The following SLC25A13 variants were observed in gnomAD, a reference collection of about 807,000 sequenced individuals.
The protein encoded by SLC25A13 is electrogenic aspartate/glutamate antiporter SLC25A13, mitochondrial.
In SLC25A13, 70 loss-of-function variants were observed where a neutral mutation model predicts 85.5. That is an observed-to-expected ratio of 0.82 (90% CI 0.68 to 1.00). The LOEUF is 1.00. Among genes scored for constraint, SLC25A13 ranks in the 50% least tolerant of loss-of-function variants. SLC25A13 has a pLI of 0.00. For missense variants in SLC25A13, 765 were observed against 819.8 expected, an observed-to-expected ratio of 0.93 and a Z score of 0.82; for synonymous variants, 259 against 288.7, an observed-to-expected ratio of 0.90 and a Z score of 1.04.
At chr7:96,316,756 C>T (rs573078135) in intron 1 of SLC25A13, among the ~76,000 whole-genome samples, 4 of 152,276 alleles carry the variant, frequency 2.6e-5, no homozygotes, top group Admixed American at 1.3e-4. Flanking sequence ...GCAAAAAGCA[C>T]TAGGTAAGGC....
intron 4 of SLC25A13, among the ~76,000 whole-genome samples, chr7:96,217,751 T>G (rs2116748087): frequency 6.6e-6 from 1 of 152,254 alleles, no homozygotes; most frequent in East Asian, 1.9e-4. Context: ...GAGTGGTGAT[T>G]GCTAAGGTGT....
chr7:96,165,957 G>T (rs1793723175), intron 13 of SLC25A13, among the ~76,000 whole-genome samples: 1 of 152,182 alleles, frequency 6.6e-6, no homozygotes, highest in Admixed American at 6.5e-5. Context: ...TTGATACGTG[G>T]CTGGACAAAC....
intron 13 of SLC25A13, among the ~76,000 whole-genome samples, chr7:96,153,561 C>A (rs1303362876): frequency 6.6e-6 from 1 of 152,202 alleles, no homozygotes; most frequent in Non-Finnish European, 1.5e-5. Flanking sequence ...GCAGGGGACC[C>A]AGAGCTGCAG....
chr7:96,230,861 C>G (rs1796514833), intron 4 of SLC25A13, among the ~76,000 whole-genome samples: 1 of 152,234 alleles, frequency 6.6e-6, no homozygotes, highest in South Asian at 2.1e-4. Context: ...GTAATCCCAA[C>G]ACTTTGGGAG....
rs896719408 is a variant in SLC25A13, at chr7:96,215,514, T to C, written c.329-6537A>G. On this transcript the variant is annotated intron_variant, in intron 4 of 17. Coordinates refer to ENST00000265631, the MANE Select transcript of SLC25A13 (RefSeq NM_014251.3). ...AGAGTAAAAAAATTAACCCTCACATTTATAGTCAATTGATTTCCAACAAAG... is the reference window on the plus strand; with the variant it reads ...AGAGTAAAAAAATTAACCCTCACATCTATAGTCAATTGATTTCCAACAAAG... Among the ~76,000 whole-genome samples the C allele has an allele frequency of 4.6e-5, 7 of 152,160 alleles. No homozygotes were observed. The East Asian group carries it at 1.4e-3, about 29-fold the overall frequency.
intron 4 of SLC25A13, 48 bp from the exon 5 acceptor site, chr7:96,209,025 T>C (rs987971872): frequency 8.2e-6 from 13 of 1,593,466 alleles, no homozygotes; most frequent in Non-Finnish European, 1.7e-6. Flanking sequence ...AATGAAGTTC[T>C]TTCTGATAAA....
At chr7:96,309,503 G>C (rs1301931943) in intron 1 of SLC25A13, 1 of 152,146 alleles carries the variant, frequency 6.6e-6, no homozygotes, top group Non-Finnish European at 1.5e-5. Context: ...TGAGCAAATG[G>C]ATTATTAGAA....
intron 14 of SLC25A13, among the ~76,000 whole-genome samples, chr7:96,133,192 G>A (rs2049054164): frequency 6.6e-6 from 1 of 152,210 alleles, no homozygotes; most frequent in Admixed American, 6.5e-5. Flanking sequence ...ACCCATGGAT[G>A]TGTAAGCATG....
At chr7:96,244,175 T>G (rs980464760) in intron 3 of SLC25A13, among the ~76,000 whole-genome samples, 11 of 152,086 alleles carry the variant, frequency 7.2e-5, no homozygotes, top group Non-Finnish European at 1.5e-4. Context: ...AAGCAGTTTT[T>G]AAAGCCCAGG....
At chr7:96,217,912 A>C (rs1795957288) in intron 4 of SLC25A13, among the ~76,000 whole-genome samples, 2 of 143,682 alleles carry the variant, frequency 1.4e-5, no homozygotes, top group South Asian at 4.4e-4. Context: ...AAAAAAAAAA[A>C]CAAAAAACAC....
At chr7:96,305,705 G>A (rs1799719412) in intron 1 of SLC25A13, among the ~76,000 whole-genome samples, 1 of 152,170 alleles carries the variant, frequency 6.6e-6, no homozygotes, top group Non-Finnish European at 1.5e-5. Flanking sequence ...ACAAGTTGCT[G>A]AAGCCCAGAT....
intron 11 of SLC25A13, among the ~76,000 whole-genome samples, chr7:96,181,296 G>A (rs1794410795): frequency 1.3e-5 from 2 of 152,182 alleles, no homozygotes; most frequent in Non-Finnish European, 2.9e-5. Context: ...CACCTCTCAT[G>A]ACTCTCTGAG....
chr7:96,121,200 T>C lies in SLC25A13; in HGVS notation c.2019A>G (p.Gly673=). ...CCCAGGGCTGATCTTCCTATGGGCC[T>C]CCACCAATAGCCTTTGAGGTAGATA... ...PSVSTSKAIG[G]GP is the part of the protein sequence containing the mutation. The change falls in exon 18 of 18, where the codon GGA becomes GGG. Residue 673 remains glycine, a synonymous_variant. Transcript: ENST00000265631. 6.2e-7 allele frequency: 1 copy of C among 1,614,178 alleles called. No homozygotes were observed. The highest frequency in any genetic ancestry group is 8.5e-7 in the Non-Finnish European group (1 of 1,180,000).
chr7:96,217,614 A>G (rs1269861274), intron 4 of SLC25A13, among the ~76,000 whole-genome samples: 1 of 152,310 alleles, frequency 6.6e-6, no homozygotes, highest in African/African-American at 2.4e-5. Context: ...TATGCTAAGT[A>G]AAAGAAACCA....
At chr7:96,209,353 T>TACACAC (rs59571646) in intron 4 of SLC25A13, among the ~76,000 whole-genome samples, 35,452 of 145,170 alleles carry the variant, frequency 0.24, 4,634 homozygotes, top group South Asian at 0.39. Flanking sequence ...GGAAAACACA[T>TACACAC]ACACACACAC....
At chr7:96,143,464 C>T (rs1182375967) in intron 14 of SLC25A13, among the ~76,000 whole-genome samples, 1 of 152,146 alleles carries the variant, frequency 6.6e-6, no homozygotes, top group African/African-American at 2.4e-5. Flanking sequence ...GTTTTCTTAG[C>T]TACATTACAT....
At chr7:96,281,694 T>C (rs1173208481) in intron 2 of SLC25A13, among the ~76,000 whole-genome samples, 1 of 152,200 alleles carries the variant, frequency 6.6e-6, no homozygotes, top group African/African-American at 2.4e-5. Context: ...ATGCATTCAA[T>C]TTATATTTCA....
chr7:96,303,110 G>A (rs1799612550), intron 1 of SLC25A13, among the ~76,000 whole-genome samples: 1 of 152,016 alleles, frequency 6.6e-6, no homozygotes, highest in South Asian at 2.1e-4. Flanking sequence ...ATGTGTGGGT[G>A]GACTGAGAAC....
chr7:96,190,188 G>A (rs1584432168), intron 7 of SLC25A13, among the ~76,000 whole-genome samples: 1 of 150,938 alleles, frequency 6.6e-6, no homozygotes, highest in African/African-American at 2.4e-5. Flanking sequence ...GGGTTCAAGC[G>A]ATTCCCCTGC....
Sources: allele counts gnomAD v4.1 joint callset (sites outside exome capture counted in the v4.1 genomes callset), GRCh38; gene constraint gnomAD v4.1.1; transcripts MANE v1.5; gene names NCBI Gene and HGNC (gene_info 2026-07-23, HGNC 2026-07-21).